Variants in GSG1L observed in about 807,000 individuals in gnomAD.
The protein encoded by GSG1L is GSG1 like.
A neutral mutation model predicts 42.1 loss-of-function variants in GSG1L; 24 were observed. The observed-to-expected ratio is 0.57, with a 90% confidence interval of 0.41 to 0.80. The LOEUF (loss-of-function observed/expected upper bound fraction) is 0.80. GSG1L is among the 30% of genes least tolerant of loss of function. The pLI, the probability that GSG1L is intolerant of heterozygous loss-of-function variation, is 0.00. For synonymous variants in GSG1L, 215 were observed against 203.5 expected, an observed-to-expected ratio of 1.06 and a Z score of -0.48; for missense variants, 445 against 472.2, an observed-to-expected ratio of 0.94 and a Z score of 0.53.
intron 2 of GSG1L, among the ~76,000 whole-genome samples, chr16:27,960,714 TG>T (rs1311690067): frequency 6.6e-6 from 1 of 151,992 alleles, no homozygotes; most frequent in Non-Finnish European, 1.5e-5. Context: ...CCCGTATACA[TG>T]GGGGGAGGCC....
At chr16:27,905,274 C>T (rs2084307129) in intron 2 of GSG1L, among the ~76,000 whole-genome samples, 1 of 151,580 alleles carries the variant, frequency 6.6e-6, no homozygotes, top group Admixed American at 6.6e-5. Flanking sequence ...GAGCACTTGG[C>T]TGGACCACAC....
At chr16:27,984,800 C>A (rs2085362736) in intron 1 of GSG1L, among the ~76,000 whole-genome samples, 1 of 151,894 alleles carries the variant, frequency 6.6e-6, no homozygotes, top group African/African-American at 2.4e-5. Flanking sequence ...CTCTGTCACT[C>A]AGGCTTGAGT....
intron 3 of GSG1L, among the ~76,000 whole-genome samples, chr16:27,865,556 TATATATATATATATATACACACAC>T (rs2083708141): frequency 8.6e-5 from 2 of 23,268 alleles, no homozygotes; most frequent in Admixed American, 9.1e-4. Flanking sequence ...TATATATATA[TATATATATATATATATACACACAC>T]ACATACATAC....
At chr16:27,910,418 A>C (rs1270983461) in intron 2 of GSG1L, among the ~76,000 whole-genome samples, 1 of 152,240 alleles carries the variant, frequency 6.6e-6, no homozygotes, top group Non-Finnish European at 1.5e-5. Context: ...TTTAATCATC[A>C]CAAAAACCTC....
intron 2 of GSG1L, among the ~76,000 whole-genome samples, chr16:27,947,323 C>G (rs1220294818): frequency 6.7e-6 from 1 of 148,386 alleles, no homozygotes; most frequent in African/African-American, 2.5e-5. Flanking sequence ...GCACAGCTTC[C>G]TGATCTGAAA....
chr16:27,995,676 C>T (rs1175636991), intron 1 of GSG1L, among the ~76,000 whole-genome samples: 2 of 152,024 alleles, frequency 1.3e-5, no homozygotes, highest in Non-Finnish European at 2.9e-5. Context: ...AGGCCTGACA[C>T]GTGAACACAA....
rs559780998 is a variant in GSG1L, at chr16:27,834,396, G to A, written c.663-5440C>T. 5.3e-5 allele frequency among the ~76,000 whole-genome samples: 8 copies of A among 151,570 alleles called. No homozygotes were observed. In the East Asian group the frequency reaches 9.6e-4, roughly 18 times the overall value. On this transcript the variant is annotated intron_variant, in intron 4 of 6. Transcript: ENST00000447459. Reference sequence around the variant, plus strand: ...ATATTCATGGTGTCTATTAGTCTGCGGTTCTTTGCACTATCTTTGGTTTTA... The same window carrying A: ...ATATTCATGGTGTCTATTAGTCTGCAGTTCTTTGCACTATCTTTGGTTTTA...
chr16:28,034,811 C>G (rs2086013902), intron 1 of GSG1L, among the ~76,000 whole-genome samples: 1 of 152,190 alleles, frequency 6.6e-6, no homozygotes, highest in Admixed American at 6.5e-5. Flanking sequence ...CCACTCCAGT[C>G]ATGACAAACA....
chr16:27,823,022 C>G (rs1472611266), intron 5 of GSG1L, among the ~76,000 whole-genome samples: 1 of 152,202 alleles, frequency 6.6e-6, no homozygotes, highest in African/African-American at 2.4e-5. Context: ...TGAATTCCCT[C>G]TGGGATCCAA....
chr16:27,888,491 CTTTCTTTCTTTCTTTCTTTCTTT>C (rs2084072871), intron 2 of GSG1L, among the ~76,000 whole-genome samples: 6 of 5,982 alleles, frequency 1.0e-3, no homozygotes, highest in African/African-American at 1.4e-3. Flanking sequence ...TCCTTTCTTT[CTTTCTTTCTTTCTTTCTTTCTTT>C]CTTTCTTTCT....
At chr16:27,998,067 G>C (rs1026261849) in intron 1 of GSG1L, among the ~76,000 whole-genome samples, 1 of 151,936 alleles carries the variant, frequency 6.6e-6, no homozygotes, top group Non-Finnish European at 1.5e-5. Flanking sequence ...ATGTTGGCCT[G>C]GCTGGTCTTG....
At position 28,063,232 on chromosome 16, in the gene GSG1L, C is replaced by A; in HGVS notation, c.193G>T (p.Ala65Ser). 7.9e-7 allele frequency: 1 copy of A among 1,259,738 alleles called. No homozygotes were observed. The highest frequency in any genetic ancestry group is 2.8e-5 in the South Asian group (1 of 36,012). 78.0% of individuals were successfully genotyped at this position (1,259,738 alleles called of 1,614,324 possible). A position where few individuals can be genotyped will look rare whatever the true frequency, so the allele number is the denominator to read the frequency against. The change falls in exon 1 of 7, where the codon GCC becomes TCC. Residue 65 changes from alanine (A) to serine (S), a missense_variant. By Grantham distance (99) the Ala-to-Ser change is moderately conservative. This residue lies in a region of GSG1L where 156 missense variants were observed against 128.3 expected (regional missense o/e 1.22). Coordinates refer to ENST00000447459, the MANE Select transcript of GSG1L (RefSeq NM_001109763.2). The surrounding 1 kb of genome is among the most constrained non-coding windows in gnomAD (Gnocchi z 5.8). The part of the protein sequence containing the change: ...SGANATANGT[A>S]APAAAAAAAT... ...GCGGCGGCGGCGGCGGCGGGGGCGG[C>A]GGTGCCGTTGGCCGTGGCGTTGGCG...
At chr16:27,817,430 C>T (rs938355) in intron 5 of GSG1L, among the ~76,000 whole-genome samples, 10,453 of 152,290 alleles carry the variant, frequency 0.069, 515 homozygotes, top group Admixed American at 0.12. Context: ...AATTAATAGC[C>T]TACATGCTGT....
intron 5 of GSG1L, among the ~76,000 whole-genome samples, chr16:27,816,072 A>G (rs1388002717): frequency 6.6e-6 from 1 of 152,146 alleles, no homozygotes; most frequent in Non-Finnish European, 1.5e-5. Flanking sequence ...TACTGTTGTC[A>G]CCATTGTCAT....
At chr16:27,836,316 C>G (rs560157630) in intron 4 of GSG1L, among the ~76,000 whole-genome samples, 1 of 149,712 alleles carries the variant, frequency 6.7e-6, no homozygotes, top group South Asian at 2.1e-4. Context: ...TCAAGTTTGA[C>G]TGTGATGTGT....
At chr16:27,979,418 T>C (rs2085287819) in intron 1 of GSG1L, among the ~76,000 whole-genome samples, 1 of 150,350 alleles carries the variant, frequency 6.7e-6, no homozygotes, top group Non-Finnish European at 1.5e-5. Flanking sequence ...ATACAAAAAT[T>C]AGCCTGGCGT....
rs569093046 is a variant in GSG1L, at chr16:27,977,491, C to T, written c.350-14288G>A. On this transcript the variant is annotated intron_variant, in intron 1 of 6. Transcript: ENST00000447459. ...ACAAGAATCGCTGAAACCTGGGAGG[C>T]GGAGGTTGCAGTGAGCCAAGATCGT... Among the ~76,000 whole-genome samples, 4 of 126,898 alleles carry T rather than the reference C, an allele frequency of 3.2e-5. No homozygotes were observed. In the South Asian group the frequency reaches 1.1e-3, roughly 35 times the overall value. 83.3% of individuals were successfully genotyped at this position (126,898 alleles called of 152,430 possible). A position where few individuals can be genotyped will look rare whatever the true frequency, so the allele number is the denominator to read the frequency against.
At chr16:27,909,623 C>T (rs1309568227) in intron 2 of GSG1L, among the ~76,000 whole-genome samples, 1 of 147,700 alleles carries the variant, frequency 6.8e-6, no homozygotes, top group Non-Finnish European at 1.5e-5. Context: ...CATGACTCTG[C>T]ACTGCACCCA....
intron 2 of GSG1L, among the ~76,000 whole-genome samples, chr16:27,908,303 A>G (rs1012360850): frequency 2.0e-5 from 3 of 152,222 alleles, no homozygotes; most frequent in Admixed American, 1.3e-4. Flanking sequence ...CAGCAAAACC[A>G]TCGAGCTGAT....
Sources: gnomAD v4.1 joint callset for allele counts (sites outside exome capture counted in the v4.1 genomes callset) on GRCh38, gnomAD v4.1.1 for gene constraint, gnomAD v4.1.1 regional missense constraint, Gnocchi (gnomAD v3.1) non-coding constraint, MANE v1.5 for transcripts, NCBI Gene and HGNC (gene_info 2026-07-23, HGNC 2026-07-21) for gene names.